Variants in ARHGAP6 observed in about 807,000 individuals in gnomAD.
The protein encoded by ARHGAP6 is rho GTPase-activating protein 6.
A neutral mutation model predicts 55.7 loss-of-function variants in ARHGAP6; 16 were observed. That is an observed-to-expected ratio of 0.29 (90% CI 0.19 to 0.44). ARHGAP6 has a LOEUF of 0.44. Ranked by LOEUF, ARHGAP6 falls within the 20% of genes least tolerant of loss-of-function variation. ARHGAP6 has a pLI of 1.00. For missense variants in ARHGAP6, 698 were observed against 808.9 expected, an observed-to-expected ratio of 0.86 and a Z score of 1.66; for synonymous variants, 382 against 360.9, an observed-to-expected ratio of 1.06 and a Z score of -0.66.
At chrX:11,359,232 G>A (rs1162326371) in intron 1 of ARHGAP6, among the ~76,000 whole-genome samples, 1 of 111,916 alleles carries the variant, frequency 8.9e-6, no homozygotes, top group African/African-American at 3.2e-5. Flanking sequence ...GTAAAATCTG[G>A]TAGTGCCAAA....
At chrX:11,489,015 G>T (rs2050539215) in intron 1 of ARHGAP6, among the ~76,000 whole-genome samples, 1 of 112,063 alleles carries the variant, frequency 8.9e-6, no homozygotes, top group Admixed American at 9.5e-5. Flanking sequence ...AGAGGATCTA[G>T]GTCTTATGTA....
At chrX:11,139,575 A>C in intron 12 of ARHGAP6, 45 bp from the exon 13 acceptor site, 1 of 1,100,744 alleles carries the variant, frequency 9.1e-7, no homozygotes, top group African/African-American at 1.9e-5. Context: ...CAGTTTGTAG[A>C]ATCCTTGCTG....
chrX:11,155,928 G>A (rs2045857362), intron 10 of ARHGAP6, among the ~76,000 whole-genome samples: 1 of 112,550 alleles, frequency 8.9e-6, no homozygotes, highest in Non-Finnish European at 1.9e-5. Flanking sequence ...GAGCAAAAAT[G>A]GCAGCAAGCC....
At chrX:11,350,278 T>G (rs1325240587) in intron 1 of ARHGAP6, among the ~76,000 whole-genome samples, 1 of 112,316 alleles carries the variant, frequency 8.9e-6, no homozygotes, top group Non-Finnish European at 1.9e-5. Flanking sequence ...AAAGAGAACC[T>G]AGACTTAGCT....
At chrX:11,431,186 G>T (rs1192351058) in intron 1 of ARHGAP6, among the ~76,000 whole-genome samples, 2 of 111,709 alleles carry the variant, frequency 1.8e-5, no homozygotes, top group East Asian at 5.6e-4. Context: ...AAATTTATCT[G>T]ATGTTTATCA....
In ARHGAP6 at chrX:11,142,257, C is replaced by T. The variant is rs758375908; in HGVS notation, c.2233G>A (p.Gly745Arg). Residue 745 changes from glycine (G) to arginine (R), a missense_variant, in exon 12 of 13, where the codon GGA (glycine) becomes AGA (arginine). Gly to Arg is a moderately radical substitution (Grantham distance 125). This residue lies in a region of ARHGAP6 where 322 missense variants were observed against 451.1 expected (regional missense o/e 0.71). Coordinates refer to ENST00000337414, the MANE Select transcript of ARHGAP6 (RefSeq NM_013427.3). ...CCTGTCATTCCTGGGTCTTTGGATC[C>T]GCTTTTTAATGTTGAATGCCAAGTT... ...WGTWHSTLKS[G>R]SKDPGMTGSS... The T allele has an allele frequency of 6.7e-5, 80 of 1,196,686 alleles. 1 individual carries two copies. Among genetic ancestry groups the T allele is most frequent in the Non-Finnish European group, 8.2e-5 (73 of 886,685 alleles).
intron 1 of ARHGAP6, among the ~76,000 whole-genome samples, chrX:11,487,093 G>T (rs1362154139): frequency 8.9e-6 from 1 of 112,004 alleles, no homozygotes; most frequent in East Asian, 2.8e-4. Context: ...TACTAGATTG[G>T]AATTAGAAGC....
chrX:11,337,777 TTGCTATAAAGGAATAGCTAAGGC>T (rs1212395266), intron 1 of ARHGAP6, among the ~76,000 whole-genome samples: 1 of 112,738 alleles, frequency 8.9e-6, no homozygotes, highest in East Asian at 2.7e-4. Context: ...TCATTTTGTG[TTGCTATAAAGGAATAGCTAAGGC>T]TGGGTAGTTA....
chrX:11,333,465 G>A (rs2048587895), intron 1 of ARHGAP6, among the ~76,000 whole-genome samples: 1 of 111,947 alleles, frequency 8.9e-6, no homozygotes, highest in South Asian at 3.7e-4. Context: ...GCTGAACCAT[G>A]AGTCAATTAA....
chrX:11,524,380 T>C (rs933970233), intron 1 of ARHGAP6, among the ~76,000 whole-genome samples: 2 of 111,886 alleles, frequency 1.8e-5, no homozygotes, highest in African/African-American at 6.5e-5. Flanking sequence ...GGTATAGCTG[T>C]GGAAACAATA....
In ARHGAP6 at chrX:11,188,969, G is replaced by A; in HGVS notation, c.836C>T (p.Ala279Val). 8.3e-7 allele frequency: 1 copy of A among 1,208,906 alleles called. No homozygotes were observed. Among genetic ancestry groups the A allele is most frequent in the African/African-American group, 1.7e-5 (1 of 57,683 alleles). Residue 279 changes from alanine (A) to valine (V), a missense_variant, in exon 4 of 13, where the codon GCA becomes GTA. By Grantham distance (64) the Ala-to-Val change is moderately conservative (BLOSUM62 0). Around this residue, in one of 3 missense-constraint regions of ARHGAP6, gnomAD observed 322 missense variants for 451.1 expected, o/e 0.71. Transcript: ENST00000337414. Reference sequence around the variant, plus strand: ...GACTTGGGATAAGGGCATTCCAAATGCCTGTGGGATGAATTCTGGAATCAA... The same window carrying A: ...GACTTGGGATAAGGGCATTCCAAATACCTGTGGGATGAATTCTGGAATCAA... ...KNKDKEFIPQAFGMPLSQVIA... is the reference protein window; with the variant it reads ...KNKDKEFIPQVFGMPLSQVIA...
intron 1 of ARHGAP6, among the ~76,000 whole-genome samples, chrX:11,611,719 C>T (rs960829165): frequency 2.7e-5 from 3 of 111,741 alleles, no homozygotes; most frequent in African/African-American, 9.8e-5. Flanking sequence ...TCACTCCTTG[C>T]CCTTGCATTT....
intron 1 of ARHGAP6, among the ~76,000 whole-genome samples, chrX:11,504,004 T>A (rs1214204460): frequency 1.8e-5 from 2 of 111,229 alleles, no homozygotes; most frequent in Non-Finnish European, 3.8e-5. Flanking sequence ...TTAAAATCAA[T>A]GGCAGGAAAA....
rs1017155226 is a variant in ARHGAP6 at position 11,439,236 on chromosome X, G to A, written c.589-184529C>T. Among the ~76,000 whole-genome samples the A allele has an allele frequency of 5.3e-5, 6 of 112,523 alleles. No individual in the cohort carries two copies. The East Asian group carries it at 1.7e-3, about 31-fold the overall frequency. ...AGATAATTGTCTCAGATCTAGCACA[G>A]GGTGAGTAAAATTGTTTTTACATTT... On this transcript the variant is annotated intron_variant, in intron 1 of 12. Transcript: ENST00000337414.
chrX:11,424,796 TGAG>T (rs1408072838), intron 1 of ARHGAP6, among the ~76,000 whole-genome samples: 2 of 112,535 alleles, frequency 1.8e-5, no homozygotes, highest in Non-Finnish European at 3.8e-5. Flanking sequence ...GGAAATTTTT[TGAG>T]GAGAACATTA....
chrX:11,260,174 G>A (rs966887202), intron 1 of ARHGAP6, among the ~76,000 whole-genome samples: 1 of 111,412 alleles, frequency 9.0e-6, no homozygotes, highest in Admixed American at 9.6e-5. Flanking sequence ...TCTAGTGCAG[G>A]AAAAGCCAAG....
chrX:11,388,951 A>G (rs1002660358), intron 1 of ARHGAP6, among the ~76,000 whole-genome samples: 17 of 112,256 alleles, frequency 1.5e-4, no homozygotes, highest in Admixed American at 1.1e-3. Flanking sequence ...CACGGAGATA[A>G]GAATGTCTTA....
At chrX:11,466,426 A>G (rs185858211) in intron 1 of ARHGAP6, among the ~76,000 whole-genome samples, 104 of 103,055 alleles carry the variant, frequency 1.0e-3, no homozygotes, top group Middle Eastern at 9.8e-3. Context: ...AAAGAATATG[A>G]AAAAAAAAAA....
At chrX:11,465,067 A>T (rs1242882405) in intron 1 of ARHGAP6, among the ~76,000 whole-genome samples, 1 of 112,126 alleles carries the variant, frequency 8.9e-6, no homozygotes, top group East Asian at 2.8e-4. Context: ...TATGATCCTT[A>T]TAACTGCCCA....
Sources: gnomAD v4.1 joint callset for allele counts (sites outside exome capture counted in the v4.1 genomes callset) on GRCh38, gnomAD v4.1.1 for gene constraint, gnomAD v4.1.1 regional missense constraint, MANE v1.5 for transcripts, NCBI Gene and HGNC (gene_info 2026-07-23, HGNC 2026-07-21) for gene names.